TENM2: variants seen among roughly 807,000 people sequenced by gnomAD.
The protein encoded by TENM2 is teneurin transmembrane protein 2.
A neutral mutation model predicts 245.2 loss-of-function variants in TENM2; 52 were observed. The observed-to-expected ratio is 0.21, with a 90% CI of 0.17 to 0.27. The LOEUF (loss-of-function observed/expected upper bound fraction) is 0.27, where lower values mean the gene tolerates loss of function less well. TENM2 is among the 10% of genes least tolerant of loss of function. The pLI is 1.00. For missense variants in TENM2, 3,046 were observed against 3,666.8 expected, an observed-to-expected ratio of 0.83 and a Z score of 4.37; for synonymous variants, 1,363 against 1,438.9, an observed-to-expected ratio of 0.95 and a Z score of 1.19.
chr5:166,994,373 CAA>C, the TENM2 span, among the ~76,000 whole-genome samples: 1 of 152,062 alleles, frequency 6.6e-6, no homozygotes, highest in Non-Finnish European at 1.5e-5. Flanking sequence ...TGAAAATAAA[CAA>C]GAGGAAAGTT....
chr5:167,709,380 C>T (rs945420493), intron 2 of TENM2, among the ~76,000 whole-genome samples: 1 of 152,174 alleles, frequency 6.6e-6, no homozygotes, highest in Admixed American at 6.5e-5. Flanking sequence ...TTCATGTAAT[C>T]CCTCCAGTGC....
chr5:168,017,192 G>C (rs1785730527), intron 5 of TENM2, among the ~76,000 whole-genome samples: 1 of 152,130 alleles, frequency 6.6e-6, no homozygotes, highest in African/African-American at 2.4e-5. Context: ...TTAGAAGCAG[G>C]GGACAGGGGT....
At chr5:168,133,837 C>T (rs1227692961) in intron 12 of TENM2, among the ~76,000 whole-genome samples, 1 of 152,180 alleles carries the variant, frequency 6.6e-6, no homozygotes, top group African/African-American at 2.4e-5. Flanking sequence ...GAAATGCAAG[C>T]ATGATAACAG....
chr5:168,046,212 C>T (rs1788593120), intron 5 of TENM2, among the ~76,000 whole-genome samples: 1 of 152,142 alleles, frequency 6.6e-6, no homozygotes, highest in Non-Finnish European at 1.5e-5. Context: ...GAATTAATTG[C>T]TGTGTGAACA....
intron 2 of TENM2, among the ~76,000 whole-genome samples, chr5:167,429,501 A>C (rs557463123): frequency 1.3e-5 from 2 of 152,238 alleles, no homozygotes; most frequent in Non-Finnish European, 2.9e-5. Flanking sequence ...GAACAAGACA[A>C]AAGCACAAGT....
chr5:167,623,684 G>T (rs918414207), intron 2 of TENM2, among the ~76,000 whole-genome samples: 1 of 152,118 alleles, frequency 6.6e-6, no homozygotes, highest in African/African-American at 2.4e-5. Flanking sequence ...CTCTTGTATT[G>T]ATCTTTTTTG....
At chr5:167,321,203 T>TTA (rs199739200) in intron 1 of TENM2, among the ~76,000 whole-genome samples, 181 of 150,896 alleles carry the variant, frequency 1.2e-3, no homozygotes, top group Non-Finnish European at 1.1e-3. Context: ...ATTCACAAAA[T>TTA]TAAAAAAAAA....
At chr5:168,048,170 AG>A (rs1390994584) in intron 6 of TENM2, among the ~76,000 whole-genome samples, 2 of 148,178 alleles carry the variant, frequency 1.3e-5, no homozygotes, top group East Asian at 4.2e-4. Context: ...GTATCCTTGA[AG>A]GGAAAAAAAA....
chr5:166,982,797 G>C, the TENM2 span, among the ~76,000 whole-genome samples: 1 of 151,510 alleles, frequency 6.6e-6, no homozygotes, highest in Non-Finnish European at 1.5e-5. Flanking sequence ...TTTTTGGGGG[G>C]GGGAGGAGAC....
chr5:167,482,668 C>T (rs1767829267), intron 2 of TENM2, among the ~76,000 whole-genome samples: 1 of 152,126 alleles, frequency 6.6e-6, no homozygotes, highest in African/African-American at 2.4e-5. Context: ...CCTAATCGTA[C>T]AGCAGTATTT....
chr5:168,159,501 C>T (rs1757550112), intron 12 of TENM2, among the ~76,000 whole-genome samples: 1 of 152,136 alleles, frequency 6.6e-6, no homozygotes, highest in Non-Finnish European at 1.5e-5. Context: ...GCCCTCCAGA[C>T]TAATTACTTC....
intron 9 of TENM2, among the ~76,000 whole-genome samples, chr5:168,104,372 A>G (rs1011057890): frequency 5.3e-5 from 8 of 152,148 alleles, no homozygotes; most frequent in Non-Finnish European, 4.4e-5. Context: ...CCCCAAGCAT[A>G]AGGTCCTCCC....
chr5:167,888,827 T>C (rs942218639), intron 3 of TENM2, among the ~76,000 whole-genome samples: 9 of 152,212 alleles, frequency 5.9e-5, no homozygotes, highest in African/African-American at 2.2e-4. Context: ...CTGGTGTTTA[T>C]AAAGCCAAAG....
Position 167,548,137 on chromosome 5 carries a change from G to T in TENM2, c.502+172664G>T, listed in dbSNP as rs569409501. ...CTAGAATAATTTTACCCACCTCAGG[G>T]ATTCAGTGAGTGTTTAATACCATAA... On this transcript the variant is annotated intron_variant, in intron 2 of 28. Transcript: ENST00000518659. 1.1e-3 allele frequency among the ~76,000 whole-genome samples: 171 copies of T among 152,250 alleles called. 1 individual carries two copies. Among genetic ancestry groups the T allele is most frequent in the African/African-American group, 3.9e-3 (164 of 41,560 alleles).
intron 2 of TENM2, among the ~76,000 whole-genome samples, chr5:167,785,066 AT>A (rs555941880): frequency 2.3e-3 from 356 of 152,284 alleles, no homozygotes; most frequent in African/African-American, 7.7e-3. Flanking sequence ...TAAGAGGAAA[AT>A]TTTTTACATT....
the TENM2 span, among the ~76,000 whole-genome samples, chr5:167,084,660 A>G: frequency 2.6e-5 from 4 of 152,006 alleles, no homozygotes; most frequent in South Asian, 4.2e-4. Flanking sequence ...CTCAGCTTCT[A>G]TCTCCTGCAT....
intron 3 of TENM2, among the ~76,000 whole-genome samples, chr5:167,946,593 A>G (rs1173165959): frequency 6.6e-6 from 1 of 152,056 alleles, no homozygotes; most frequent in Non-Finnish European, 1.5e-5. Flanking sequence ...TTTCCTCTGT[A>G]TTTGCTAGGC....
At chr5:167,488,654 G>T (rs967835561) in intron 2 of TENM2, among the ~76,000 whole-genome samples, 1 of 147,706 alleles carries the variant, frequency 6.8e-6, no homozygotes, top group East Asian at 2.0e-4. Flanking sequence ...CCTGCACCCC[G>T]CCCCCTTCTA....
At chr5:167,163,128 G>A in the TENM2 span, among the ~76,000 whole-genome samples, 2 of 152,106 alleles carry the variant, frequency 1.3e-5, no homozygotes, top group South Asian at 2.1e-4. Flanking sequence ...AGAGGTGGGG[G>A]GTCTCACTCT....
Sources: allele counts gnomAD v4.1 joint callset (sites outside exome capture counted in the v4.1 genomes callset), GRCh38; gene constraint gnomAD v4.1.1; transcripts MANE v1.5; gene names NCBI Gene and HGNC (gene_info 2026-07-23, HGNC 2026-07-21).